The following FRMD4A variants were observed in gnomAD, a reference collection of about 807,000 sequenced individuals.
FRMD4A encodes the protein FERM domain containing 4A.
FRMD4A carries 29 observed loss-of-function variants against 129.1 expected under a neutral mutation model. The observed-to-expected ratio is 0.22, with a 90% CI of 0.17 to 0.31. The LOEUF is 0.31. FRMD4A is among the 10% of genes least tolerant of loss of function. The pLI is 1.00. For missense variants in FRMD4A, 1,272 were observed against 1,375.8 expected (o/e 0.92, Z 1.19); for synonymous variants, 634 against 571.6 (o/e 1.11, Z -1.56).
At chr10:13,728,857 C>G (rs894705426) in intron 12 of FRMD4A, among the ~76,000 whole-genome samples, 65 of 152,192 alleles carry the variant, frequency 4.3e-4, no homozygotes, top group Non-Finnish European at 7.9e-4. Flanking sequence ...CAGGTGTGAG[C>G]CACCGTGCCC....
Position 13,656,729 on chromosome 10 carries a change from C to G in FRMD4A, c.2860G>C (p.Asp954His), listed in dbSNP as rs753168615. The G allele has an allele frequency of 5.0e-6, 8 of 1,593,154 alleles. No individual in the cohort carries two copies. The East Asian group carries it at 1.6e-4, about 33-fold the overall frequency. Reference protein sequence around the residue: ...RLSHTSSTSSDSGSQYSTSSQ... With the variant: ...RLSHTSSTSSHSGSQYSTSSQ... The stretch of plus-strand genomic sequence containing the variant: ...GAGGTGCTGTACTGCGAGCCGCTGT[C>G]CGAGGAGGTGGAGCTGGTGTGCGAC... Residue 954 changes from aspartate (D) to histidine (H), a missense_variant, in exon 22 of 25, where the codon GAC (aspartate) becomes CAC (histidine). Asp to His is a moderately conservative substitution (Grantham distance 81, BLOSUM62 -1). Around this residue, in one of 2 missense-constraint regions of FRMD4A, gnomAD observed 972 missense variants for 892.3 expected, o/e 1.09. Transcript: ENST00000357447.
chr10:14,176,291 C>A (rs964286818), intron 2 of FRMD4A, among the ~76,000 whole-genome samples: 6 of 152,054 alleles, frequency 3.9e-5, no homozygotes, highest in African/African-American at 1.2e-4. Context: ...ACCAACCTCT[C>A]CCCATGTTTT....
At chr10:14,243,393 T>C (rs978725823) in intron 2 of FRMD4A, among the ~76,000 whole-genome samples, 3 of 152,182 alleles carry the variant, frequency 2.0e-5, no homozygotes, top group African/African-American at 7.2e-5. Flanking sequence ...CCTGCCACCA[T>C]GTAAGATGTG....
chr10:14,084,762 G>A (rs2614146), intron 2 of FRMD4A, among the ~76,000 whole-genome samples: 86,196 of 151,942 alleles, frequency 0.57, 25,614 homozygotes, highest in East Asian at 0.84. Flanking sequence ...GAGCCCACGG[G>A]ACATATTTGA....
intron 5 of FRMD4A, among the ~76,000 whole-genome samples, chr10:13,792,478 T>C (rs566824535): frequency 2.6e-5 from 4 of 152,240 alleles, no homozygotes; most frequent in African/African-American, 7.2e-5. Context: ...ACACAAGGAT[T>C]GGAGTCAGAC....
At chr10:14,240,376 T>G (rs142340762) in intron 2 of FRMD4A, among the ~76,000 whole-genome samples, 1 of 152,314 alleles carries the variant, frequency 6.6e-6, no homozygotes, top group East Asian at 1.9e-4. Flanking sequence ...TCTCAGCACA[T>G]GTGTCAGGCT....
intron 2 of FRMD4A, among the ~76,000 whole-genome samples, chr10:14,263,425 AG>A (rs1460538063): frequency 6.6e-6 from 1 of 152,180 alleles, no homozygotes; most frequent in African/African-American, 2.4e-5. Context: ...TCCTTTGTTT[AG>A]GGAACTGTTT....
At chr10:14,314,899 C>G (rs1276228455) in intron 2 of FRMD4A, among the ~76,000 whole-genome samples, 1 of 152,022 alleles carries the variant, frequency 6.6e-6, no homozygotes, top group Non-Finnish European at 1.5e-5. Context: ...ACTCAAGAAG[C>G]ATCTCACTAT....
At chr10:13,858,968 A>G in intron 2 of FRMD4A, 56 bp from the exon 3 acceptor site, 1 of 1,094,894 alleles carries the variant, frequency 9.1e-7, no homozygotes, top group Non-Finnish European at 1.4e-6. Context: ...ACAAAGGGTT[A>G]GAGGGTCGCC....
intron 2 of FRMD4A, among the ~76,000 whole-genome samples, chr10:13,880,829 C>T (rs1446789377): frequency 6.6e-6 from 1 of 152,088 alleles, no homozygotes; most frequent in Non-Finnish European, 1.5e-5. Flanking sequence ...AGCACACTTC[C>T]CTTCCTCTGC....
At chr10:13,880,269 C>T (rs561115620) in intron 2 of FRMD4A, among the ~76,000 whole-genome samples, 54 of 152,256 alleles carry the variant, frequency 3.5e-4, no homozygotes, top group African/African-American at 1.2e-3. Flanking sequence ...AGCTCTGCCT[C>T]GTCATCTCCA....
At chr10:13,735,673 G>A (rs996440412) in intron 12 of FRMD4A, among the ~76,000 whole-genome samples, 1 of 152,202 alleles carries the variant, frequency 6.6e-6, no homozygotes, top group Non-Finnish European at 1.5e-5. Context: ...AAAGCTTAGA[G>A]GGAGAAGAGA....
chr10:13,767,497 C>T (rs1280616205), intron 6 of FRMD4A, among the ~76,000 whole-genome samples: 1 of 152,130 alleles, frequency 6.6e-6, no homozygotes, highest in Non-Finnish European at 1.5e-5. Context: ...CCTCGGCTTC[C>T]CAAAGTGCTG....
At chr10:14,174,707 T>A (rs1841641250) in intron 2 of FRMD4A, among the ~76,000 whole-genome samples, 1 of 152,200 alleles carries the variant, frequency 6.6e-6, no homozygotes, top group Non-Finnish European at 1.5e-5. Flanking sequence ...TAAATACCCA[T>A]GTTCAGCCCA....
intron 2 of FRMD4A, among the ~76,000 whole-genome samples, chr10:13,951,762 C>T (rs917210747): frequency 6.4e-4 from 97 of 151,726 alleles, no homozygotes; most frequent in African/African-American, 2.3e-3. Context: ...TGGTGGCGGG[C>T]GCCTGGAATC....
intron 2 of FRMD4A, among the ~76,000 whole-genome samples, chr10:14,021,877 G>A (rs1238194037): frequency 1.3e-5 from 2 of 151,912 alleles, no homozygotes; most frequent in Admixed American, 6.6e-5. Context: ...TCACCAGAAC[G>A]GCATCTGAAA....
chr10:13,751,451 A>G (rs974770134), intron 8 of FRMD4A, among the ~76,000 whole-genome samples: 3 of 152,256 alleles, frequency 2.0e-5, no homozygotes, highest in African/African-American at 7.2e-5. Flanking sequence ...GTTTATAAAC[A>G]TCTGCAATAA....
chr10:13,964,454 T>C (rs1455489578), intron 2 of FRMD4A, among the ~76,000 whole-genome samples: 1 of 29,486 alleles, frequency 3.4e-5, no homozygotes, highest in Admixed American at 4.9e-4. Flanking sequence ...CAGCCAGGAG[T>C]GGCGTGGAGC....
chr10:13,934,245 G>A (rs1055040640), intron 2 of FRMD4A, among the ~76,000 whole-genome samples: 5 of 152,212 alleles, frequency 3.3e-5, no homozygotes, highest in Admixed American at 6.5e-5. Context: ...CTCAAATGAT[G>A]CCTAGAACAG....
Sources: allele counts gnomAD v4.1 joint callset (sites outside exome capture counted in the v4.1 genomes callset), GRCh38; gene constraint gnomAD v4.1.1; regional missense constraint gnomAD v4.1.1; transcripts MANE v1.5; gene names NCBI Gene and HGNC (gene_info 2026-07-23, HGNC 2026-07-21).